Variants in METAP1D observed in about 807,000 individuals in gnomAD.
METAP1D encodes methionyl aminopeptidase type 1D, mitochondrial, also known as methionine aminopeptidase 1D, mitochondrial.
METAP1D carries 31 observed loss-of-function variants against 40.5 expected under a neutral mutation model. The observed-to-expected ratio is 0.77, with a 90% CI of 0.58 to 1.03. The LOEUF (loss-of-function observed/expected upper bound fraction) is 1.03. Among genes scored for constraint, METAP1D ranks in the 50% least tolerant of loss-of-function variants. METAP1D has a pLI of 0.00. For synonymous variants in METAP1D, 151 were observed against 146.4 expected, an observed-to-expected ratio of 1.03 and a Z score of -0.22; for missense variants, 411 against 420.7, an observed-to-expected ratio of 0.98 and a Z score of 0.20.
intron 7 of METAP1D, 24 bp downstream of exon 7, chr2:172,077,918 G>GT (rs771912469): frequency 1.5e-6 from 2 of 1,333,762 alleles, no homozygotes; most frequent in Admixed American, 3.5e-5. Context: ...TTTGGAGGCT[G>GT]TTTCTTGATC....
At chr2:172,027,776 C>G (rs1468101581) in intron 1 of METAP1D, among the ~76,000 whole-genome samples, 2 of 152,212 alleles carry the variant, frequency 1.3e-5, no homozygotes, top group Admixed American at 6.5e-5. Flanking sequence ...CCCTCACTTT[C>G]CAGGTAGCAG....
intron 1 of METAP1D, among the ~76,000 whole-genome samples, chr2:172,061,112 A>T (rs1240591398): frequency 6.6e-6 from 1 of 152,222 alleles, no homozygotes; most frequent in Non-Finnish European, 1.5e-5. Context: ...TCTTGAAAGG[A>T]AACGGCTTTA....
At position 172,080,318 on chromosome 2, in the gene METAP1D, T is replaced by C. The variant is rs758563086; in HGVS notation, c.930-10T>C. ...CGTGCGCGTTCTGACGGCTGGGTGC[T>C]GTGTTACAGGTCGGCGCAGTTCGAG... On this transcript the variant is annotated splice_polypyrimidine_tract_variant and intron_variant, in intron 9 of 9. Coordinates refer to ENST00000315796, the MANE Select transcript of METAP1D (RefSeq NM_199227.3). 2.5e-6 allele frequency: 4 copies of C among 1,614,038 alleles called. No homozygotes were observed. In the South Asian group the frequency reaches 4.4e-5, roughly 18 times the overall value.
At chr2:172,016,809 C>A (rs1237178321) in intron 1 of METAP1D, among the ~76,000 whole-genome samples, 2 of 152,050 alleles carry the variant, frequency 1.3e-5, no homozygotes, top group African/African-American at 4.8e-5. Context: ...CCACTCCTGT[C>A]CACTGGCCTG....
chr2:172,066,342 C>CT (rs1250271458), intron 5 of METAP1D, 36 bp downstream of exon 5: 1 of 1,539,136 alleles, frequency 6.5e-7, no homozygotes, highest in Non-Finnish European at 8.9e-7. Context: ...CTTTGATCAA[C>CT]TTCAGAATTG....
intron 1 of METAP1D, among the ~76,000 whole-genome samples, chr2:172,002,695 C>A (rs375166357): frequency 1.3e-5 from 2 of 152,066 alleles, no homozygotes; most frequent in South Asian, 4.2e-4. Context: ...TGCTCCCCAC[C>A]CCCAAGAATT....
At chr2:172,077,670 A>G (rs1690579319) in intron 6 of METAP1D, 127 bp from the exon 7 acceptor site, 2 of 546,190 alleles carry the variant, frequency 3.7e-6, no homozygotes, top group Admixed American at 3.5e-5. Context: ...CATGAATGTT[A>G]TTATCTGACT....
chr2:172,015,654 G>A (rs1028115531), intron 1 of METAP1D, among the ~76,000 whole-genome samples: 2 of 152,054 alleles, frequency 1.3e-5, no homozygotes, highest in Admixed American at 6.6e-5. Context: ...CTGCAGTCAA[G>A]TGACCTTTGA....
At chr2:172,041,084 C>T (rs1296276678) in intron 1 of METAP1D, among the ~76,000 whole-genome samples, 1 of 152,028 alleles carries the variant, frequency 6.6e-6, no homozygotes, top group Non-Finnish European at 1.5e-5. Context: ...CCCTCTTGTA[C>T]CTGATAGCCA....
chr2:172,032,797 T>C (rs1689268774), intron 1 of METAP1D, among the ~76,000 whole-genome samples: 1 of 152,230 alleles, frequency 6.6e-6, no homozygotes. Flanking sequence ...GCGTGGTGGC[T>C]CACGCCTGTA....
At chr2:172,020,406 A>G (rs1299738003) in intron 1 of METAP1D, among the ~76,000 whole-genome samples, 1 of 152,246 alleles carries the variant, frequency 6.6e-6, no homozygotes. Flanking sequence ...TTGATTAAAA[A>G]CAACAACAAA....
intron 1 of METAP1D, among the ~76,000 whole-genome samples, chr2:172,058,964 T>C (rs1455600024): frequency 6.6e-6 from 1 of 152,186 alleles, no homozygotes; most frequent in African/African-American, 2.4e-5. Context: ...AATGTTACTC[T>C]AGGCCAGTTC....
chr2:172,042,337 G>GTACATATA (rs1255539447), intron 1 of METAP1D, among the ~76,000 whole-genome samples: 523 of 7,984 alleles, frequency 0.066, 243 homozygotes, highest in Non-Finnish European at 0.12. Flanking sequence ...GTGTACATGT[G>GTACATATA]TACATATATA....
Position 172,080,179 on chromosome 2 carries a change from G to A in METAP1D, c.902G>A (p.Trp301Ter). The change falls in exon 9 of 10, where the codon TGG (tryptophan) becomes TAG (stop). Residue 301 changes from tryptophan to a stop codon, truncating the protein, a stop_gained. Transcript: ENST00000315796. LOFTEE classifies it high-confidence loss of function. ...GAATTTAAAGTCCTGGAGGATGCAT[G>A]GACTGTGGTCTCCCTAGACAATCAA... ...SPEFKVLEDA[W>*]TVVSLDNQRS... The A allele has an allele frequency of 6.2e-7, 1 of 1,614,220 alleles. No homozygotes were observed. Among genetic ancestry groups the A allele is most frequent in the East Asian group, 2.2e-5 (1 of 44,888 alleles).
chr2:172,053,971 T>C (rs1000457671), intron 1 of METAP1D, among the ~76,000 whole-genome samples: 1 of 152,190 alleles, frequency 6.6e-6, no homozygotes, highest in African/African-American at 2.4e-5. Context: ...TTTAAATGTC[T>C]CTTTGAAAGT....
chr2:172,015,467 T>C (rs1167938097), intron 1 of METAP1D, among the ~76,000 whole-genome samples: 3 of 152,182 alleles, frequency 2.0e-5, no homozygotes, highest in African/African-American at 7.2e-5. Context: ...CAAGAATGTT[T>C]ATTACAGTGT....
chr2:172,035,340 A>G (rs1689352246), intron 1 of METAP1D, among the ~76,000 whole-genome samples: 2 of 151,756 alleles, frequency 1.3e-5, no homozygotes, highest in Admixed American at 6.6e-5. Context: ...AACTTTTTGT[A>G]TTTTTAGTAG....
chr2:172,059,294 A>G (rs1052145593), intron 1 of METAP1D, among the ~76,000 whole-genome samples: 14 of 151,828 alleles, frequency 9.2e-5, no homozygotes, highest in African/African-American at 3.4e-4. Context: ...TTTTTAGTAG[A>G]GACAAGGTGT....
At position 172,044,726 on chromosome 2, in the gene METAP1D, G is replaced by A. The variant is rs780899497; in HGVS notation, c.41-16772G>A. Among the ~76,000 whole-genome samples, 5 of 133,954 alleles carry A rather than the reference G, an allele frequency of 3.7e-5. 2 individuals carry two copies. Among genetic ancestry groups the A allele is most frequent in the Non-Finnish European group, 8.7e-5 (5 of 57,568 alleles). The allele number at this position is 133,954 out of a possible 152,430, so 87.9% of individuals were successfully genotyped here. On this transcript the variant is annotated intron_variant, in intron 1 of 9. Coordinates refer to ENST00000315796, the MANE Select transcript of METAP1D (RefSeq NM_199227.3). Reference sequence around the variant, plus strand: ...GTTCGAGACCAGCCTGGTCAACATGGCGAAACCCCATTTCTACTTAAAATA... The same window carrying A: ...GTTCGAGACCAGCCTGGTCAACATGACGAAACCCCATTTCTACTTAAAATA...
Sources: allele counts gnomAD v4.1 joint callset (sites outside exome capture counted in the v4.1 genomes callset), GRCh38; gene constraint gnomAD v4.1.1; transcripts MANE v1.5; gene names NCBI Gene and HGNC (gene_info 2026-07-23, HGNC 2026-07-21).